The following COQ9 variants were observed in gnomAD, a reference collection of about 807,000 sequenced individuals.
The protein encoded by COQ9 is coenzyme Q9.
COQ9 carries 35 observed loss-of-function variants against 42.4 expected under a neutral mutation model. That is an observed-to-expected ratio of 0.83 (90% CI 0.63 to 1.10). COQ9 has a LOEUF of 1.10. Ranked by LOEUF, COQ9 falls within the 50% of genes least tolerant of loss-of-function variation. The pLI, the probability that COQ9 is intolerant of heterozygous loss-of-function variation, is 0.00. For missense variants in COQ9, 406 were observed against 414.6 expected (o/e 0.98, Z 0.18); for synonymous variants, 155 against 155.1 (o/e 1.00, Z 0.00).
At chr16:57,450,977 C>A (rs2030272514) in intron 1 of COQ9, 63 bp from the exon 2 acceptor site, 1 of 1,573,252 alleles carries the variant, frequency 6.4e-7, no homozygotes, top group Non-Finnish European at 8.7e-7. Context: ...ATCTGTGTTA[C>A]CACTCTGGGT....
At chr16:57,457,740 A>G (rs980960577) in intron 5 of COQ9, among the ~76,000 whole-genome samples, 13 of 152,272 alleles carry the variant, frequency 8.5e-5, no homozygotes, top group Non-Finnish European at 1.5e-4. Context: ...GAGGCCCTCA[A>G]CTGCCTTCCT....
At chr16:57,456,431 T>C (rs1377799337) in intron 3 of COQ9, 73 bp from the exon 4 acceptor site, 1 of 1,539,582 alleles carries the variant, frequency 6.5e-7, no homozygotes, top group Admixed American at 1.7e-5. Flanking sequence ...GAAGAGGCTC[T>C]AGTGATGAAC....
chr16:57,451,031 C>A lies in COQ9; in HGVS notation c.74-9C>A. 1.9e-6 allele frequency: 3 copies of A among 1,613,714 alleles called. No individual in the cohort carries two copies. The highest frequency in any genetic ancestry group is 2.5e-6 in the Non-Finnish European group (3 of 1,180,002). On this transcript the variant is annotated splice_polypyrimidine_tract_variant and intron_variant, in intron 1 of 8. Transcript: ENST00000262507. ...TTGAATGTCCCTGACTGACCAGTTT[C>A]TGTTTCAGTGGCCCGTTGCCGACAA...
intron 3 of COQ9, chr16:57,453,315 A>AT (rs2030331330): frequency 6.2e-6 from 2 of 323,078 alleles, no homozygotes; most frequent in Admixed American, 4.5e-5. Context: ...ATTCACACTG[A>AT]TTTTTTAAAA....
chr16:57,460,949 G>A lies in COQ9; in HGVS notation c.*325G>A. On this transcript the variant is annotated 3_prime_UTR_variant, in exon 9 of 9. Transcript: ENST00000262507. ...AGCATGTCCCTGTCACAATCTCATG[G>A]GCACCTTGATCATGTCTTAACCTTC... 2.6e-6 allele frequency: 1 copy of A among 388,254 alleles called. No individual in the cohort carries two copies. The highest frequency in any genetic ancestry group is 6.1e-5 in the East Asian group (1 of 16,456). The allele number at this position is 388,254 out of a possible 1,614,324, so 24.1% of individuals were successfully genotyped here.
chr16:57,456,418 T>G, intron 3 of COQ9, 86 bp from the exon 4 acceptor site: 2 of 1,477,008 alleles, frequency 1.4e-6, no homozygotes, highest in Non-Finnish European at 1.9e-6. Context: ...CTGCTGTCAC[T>G]AGGAAGAGGC....
chr16:57,451,362 G>T (rs1411691497), intron 2 of COQ9, among the ~76,000 whole-genome samples, 154 bp downstream of exon 2: 1 of 151,930 alleles, frequency 6.6e-6, no homozygotes, highest in Non-Finnish European at 1.5e-5. Context: ...TGTAGTGATG[G>T]CTTCTCGCTA....
chr16:57,458,183 T>C, intron 5 of COQ9, 63 bp from the exon 6 acceptor site: 1 of 1,223,370 alleles, frequency 8.2e-7, no homozygotes, highest in Non-Finnish European at 1.2e-6. Context: ...GAGAGGTAGA[T>C]GCTGGTCAAC....
chr16:57,456,437 T>C (rs896182613), intron 3 of COQ9, 67 bp from the exon 4 acceptor site: 1 of 1,568,134 alleles, frequency 6.4e-7, no homozygotes, highest in African/African-American at 1.4e-5. Flanking sequence ...GCTCTAGTGA[T>C]GAACAGGCAA....
chr16:57,461,208 T>A lies in COQ9; in HGVS notation c.*584T>A, dbSNP rs1329462734. 2.2e-6 allele frequency: 1 copy of A among 453,302 alleles called. No homozygotes were observed. Among genetic ancestry groups the A allele is most frequent in the East Asian group, 7.0e-5 (1 of 14,278 alleles). 28.1% of individuals were successfully genotyped at this position (453,302 alleles called of 1,614,324 possible). A position where few individuals can be genotyped will look rare whatever the true frequency, so the allele number is the denominator to read the frequency against. On this transcript the variant is annotated 3_prime_UTR_variant, in exon 9 of 9. Coordinates refer to ENST00000262507, the MANE Select transcript of COQ9 (RefSeq NM_020312.4). ...GGCCTGGTGTCACATGACACCAGCA[T>A]GCATTGCAGGATTATTAGTGTATTT...
intron 1 of COQ9, 23 bp downstream of exon 1, chr16:57,447,601 G>A: frequency 8.0e-7 from 1 of 1,247,166 alleles, no homozygotes. Flanking sequence ...CCAAGCCGGG[G>A]AGAGGCGGGG....
chr16:57,453,047 C>A, intron 3 of COQ9, 111 bp downstream of exon 3: 1 of 1,408,830 alleles, frequency 7.1e-7, no homozygotes, highest in South Asian at 1.2e-5. Context: ...GAGCCCCTCA[C>A]AGCTGCAAGA....
intron 2 of COQ9, among the ~76,000 whole-genome samples, chr16:57,451,906 A>C (rs1344667031): frequency 6.6e-6 from 1 of 152,254 alleles, no homozygotes; most frequent in East Asian, 1.9e-4. Context: ...CACTGAGTCA[A>C]AGGATATGTA....
intron 6 of COQ9, 23 bp from the exon 7 acceptor site, chr16:57,459,542 C>G (rs747288055): frequency 1.2e-6 from 2 of 1,613,262 alleles, no homozygotes; most frequent in African/African-American, 2.7e-5. Flanking sequence ...CAGCCCACAG[C>G]GGTAGTGTGG....
chr16:57,452,460 G>A (rs2030309969), intron 2 of COQ9, among the ~76,000 whole-genome samples: 1 of 152,178 alleles, frequency 6.6e-6, no homozygotes, highest in African/African-American at 2.4e-5. Context: ...TGGCCAACAT[G>A]GTGAAACCCT....
intron 2 of COQ9, 127 bp downstream of exon 2, chr16:57,451,335 TA>T: frequency 3.6e-6 from 4 of 1,114,892 alleles, no homozygotes; most frequent in Non-Finnish European, 5.4e-6. Flanking sequence ...CTTTGTTTTT[TA>T]GAATTTTTTA....
At chr16:57,458,163 A>C in intron 5 of COQ9, 83 bp from the exon 6 acceptor site, 2 of 1,022,540 alleles carry the variant, frequency 2.0e-6, no homozygotes, top group Non-Finnish European at 1.5e-6. Context: ...GCCCCCTCAT[A>C]CACCTCTTGG....
In COQ9 at chr16:57,456,661, A is replaced by G. The variant is rs1414274420; in HGVS notation, c.521+15A>G. ...GGCCAGGCGGAGTAAGTCCCATGGC[A>G]TTACTACTCAGGGTGGCAGCTAAGG... On this transcript the variant is annotated intron_variant, in intron 4 of 8. Coordinates refer to ENST00000262507, the MANE Select transcript of COQ9 (RefSeq NM_020312.4). The G allele has an allele frequency of 2.5e-6, 4 of 1,611,896 alleles. No homozygotes were observed. The highest frequency in any genetic ancestry group is 2.5e-6 in the Non-Finnish European group (3 of 1,179,142).
At chr16:57,448,109 A>C (rs1206716631) in intron 1 of COQ9, among the ~76,000 whole-genome samples, 1 of 152,174 alleles carries the variant, frequency 6.6e-6, no homozygotes, top group East Asian at 1.9e-4. Context: ...ATGGAAAACT[A>C]ATATCGCCTT....
Sources: allele counts gnomAD v4.1 joint callset (sites outside exome capture counted in the v4.1 genomes callset), GRCh38; gene constraint gnomAD v4.1.1; transcripts MANE v1.5; gene names NCBI Gene and HGNC (gene_info 2026-07-23, HGNC 2026-07-21).